The following PCDHA7 variants were observed in gnomAD, a reference collection of about 807,000 sequenced individuals.
The protein encoded by PCDHA7 is protocadherin alpha 7.
PCDHA7 carries 37 observed loss-of-function variants against 57.2 expected under a neutral mutation model. The observed-to-expected ratio is 0.65, with a 90% CI of 0.50 to 0.85. The LOEUF (loss-of-function observed/expected upper bound fraction) is 0.85. Ranked by LOEUF, PCDHA7 falls within the 40% of genes least tolerant of loss-of-function variation. The pLI is 0.00. For synonymous variants in PCDHA7, 553 were observed against 558.8 expected (o/e 0.99, Z 0.15); for missense variants, 1,188 against 1,241.8 (o/e 0.96, Z 0.65).
At chr5:140,849,627 G>C in intron 1 of PCDHA7, 1 of 1,598,784 alleles carries the variant, frequency 6.3e-7, no homozygotes, top group Non-Finnish European at 8.6e-7. Context: ...GATCGACCTA[G>C]ACGCAGATGC....
chr5:140,907,517 G>A (rs1174112923), intron 1 of PCDHA7, among the ~76,000 whole-genome samples: 3 of 152,192 alleles, frequency 2.0e-5, no homozygotes, highest in Non-Finnish European at 4.4e-5. Flanking sequence ...TTCCAGTGAG[G>A]ACAAATCGCT....
At position 140,869,037 on chromosome 5, in the gene PCDHA7, C is replaced by T. The variant is rs547872988; in HGVS notation, c.2355+32299C>T. 8.6e-5 allele frequency: 132 copies of T among 1,528,404 alleles called. No individual in the cohort carries two copies. In the East Asian group the frequency reaches 2.7e-3, roughly 31 times the overall value. The allele number at this position is 1,528,404 out of a possible 1,614,324, so 94.7% of individuals were successfully genotyped here. ...CTTAAGAATTCAACGAGATTTTTAA[C>T]CTGAAACTGAAGAATCTGGTACTGT... On this transcript the variant is annotated intron_variant, in intron 1 of 3. Coordinates refer to ENST00000525929, the MANE Select transcript of PCDHA7 (RefSeq NM_018910.3).
At chr5:140,882,460 C>T in intron 1 of PCDHA7, 4 of 1,613,998 alleles carry the variant, frequency 2.5e-6, no homozygotes, top group Non-Finnish European at 3.4e-6. Context: ...CGCGCCTGTT[C>T]CGGGTGGCGT....
chr5:140,841,843 T>A (rs1777535091), intron 1 of PCDHA7: 16 of 1,613,734 alleles, frequency 9.9e-6, no homozygotes, highest in Non-Finnish European at 1.4e-5. Context: ...GGCTTAGCTC[T>A]CATGATTACT....
rs1562723002 is a variant in PCDHA7, at chr5:140,876,958, G to C, written c.2355+40220G>C. 3 of 1,613,288 alleles carry C rather than the reference G, an allele frequency of 1.9e-6. No individual in the cohort carries two copies. The East Asian group carries it at 6.7e-5, about 36-fold the overall frequency. On this transcript the variant is annotated intron_variant, in intron 1 of 3. Transcript: ENST00000525929. ...CGCGCTGGTGTCCTACTCGCTGGTG[G>C]AGCGGCGGGTGGGCGAGCACGCACT...
At chr5:140,956,629 G>A (rs1554222520) in intron 1 of PCDHA7, among the ~76,000 whole-genome samples, 1 of 152,060 alleles carries the variant, frequency 6.6e-6, no homozygotes, top group Non-Finnish European at 1.5e-5. Flanking sequence ...TTGCATCTCT[G>A]CCAGGTTTTG....
At chr5:140,857,366 G>A in intron 1 of PCDHA7, 1 of 1,598,350 alleles carries the variant, frequency 6.3e-7, no homozygotes, top group Non-Finnish European at 8.6e-7. Context: ...CACGGCCAGC[G>A]TGTCTGTGGA....
chr5:140,959,301 G>A (rs139206577), intron 1 of PCDHA7, among the ~76,000 whole-genome samples: 161 of 152,140 alleles, frequency 1.1e-3, no homozygotes, highest in Non-Finnish European at 1.1e-3. Context: ...CACTGAGCCC[G>A]GTGGTTGAAG....
chr5:140,906,262 A>AAT (rs2072503500), intron 1 of PCDHA7, among the ~76,000 whole-genome samples: 2 of 152,306 alleles, frequency 1.3e-5, no homozygotes, highest in African/African-American at 4.8e-5. Flanking sequence ...CACCTCCTGA[A>AAT]ATTATAGATA....
intron 1 of PCDHA7, among the ~76,000 whole-genome samples, chr5:140,892,396 T>G (rs1263522999): frequency 1.3e-5 from 2 of 152,212 alleles, no homozygotes; most frequent in Non-Finnish European, 2.9e-5. Context: ...TCTTAATCTA[T>G]TTCAAGCTTC....
intron 1 of PCDHA7, among the ~76,000 whole-genome samples, chr5:140,946,679 C>T (rs556487333): frequency 4.1e-5 from 6 of 144,812 alleles, no homozygotes; most frequent in East Asian, 4.0e-4. Flanking sequence ...TCCTGTCATT[C>T]GTGACAATAT....
intron 1 of PCDHA7, chr5:140,860,787 G>A (rs1038488180): frequency 5.9e-5 from 9 of 152,154 alleles, no homozygotes; most frequent in African/African-American, 2.2e-4. Flanking sequence ...GCCCAGGCTG[G>A]AGTGCAGTGG....
At chr5:141,002,357 C>G (rs2098075744) in intron 3 of PCDHA7, among the ~76,000 whole-genome samples, 2 of 152,246 alleles carry the variant, frequency 1.3e-5, no homozygotes, top group Admixed American at 6.5e-5. Flanking sequence ...ACCTCCACTC[C>G]TTTCAACTCA....
At position 140,870,603 on chromosome 5, in the gene PCDHA7, C is replaced by T. The variant is rs782250124; in HGVS notation, c.2355+33865C>T. ...CGCTGGTGGAGCGGCGGTTGGGCGACCGCGCGCTGTCGAGCTACGTGTCGG... is the reference window on the plus strand; with the variant it reads ...CGCTGGTGGAGCGGCGGTTGGGCGATCGCGCGCTGTCGAGCTACGTGTCGG... On this transcript the variant is annotated intron_variant, in intron 1 of 3. Coordinates refer to ENST00000525929, the MANE Select transcript of PCDHA7 (RefSeq NM_018910.3). The T allele has an allele frequency of 4.3e-6, 7 of 1,613,340 alleles. No homozygotes were observed. The Admixed American group carries it at 1.2e-4, about 27-fold the overall frequency.
intron 1 of PCDHA7, among the ~76,000 whole-genome samples, chr5:140,913,855 T>C (rs1554196077): frequency 6.6e-6 from 1 of 152,220 alleles, no homozygotes; most frequent in Admixed American, 6.5e-5. Context: ...TTCAGGAGCA[T>C]ATTGTTTAAT....
chr5:140,989,939 C>T (rs533490284), intron 3 of PCDHA7, among the ~76,000 whole-genome samples: 2 of 152,004 alleles, frequency 1.3e-5, no homozygotes, highest in South Asian at 2.1e-4. Flanking sequence ...TGACATTCCA[C>T]GTTTTTCTCG....
rs2150245385 is a variant in PCDHA7, at chr5:140,835,811, T to C, written c.1428T>C (p.Thr476=). 22 of 1,612,912 alleles carry C rather than the reference T, an allele frequency of 1.4e-5. No homozygotes were observed. The highest frequency in any genetic ancestry group is 1.1e-4 in the African/African-American group (8 of 75,018). ...ACCCGCCGGGCTGCCACATCTTCAC[T>C]GTGTCGGCGGGGGACGCGGACGCGC... is the stretch of plus-strand genomic sequence containing the variant. The part of the protein sequence containing the change: ...ENNPPGCHIF[T]VSAGDADAQK... The change falls in exon 1 of 4, where the codon ACT becomes ACC. Residue 476 remains threonine (T), a synonymous_variant. Coordinates refer to ENST00000525929, the MANE Select transcript of PCDHA7 (RefSeq NM_018910.3).
intron 1 of PCDHA7, among the ~76,000 whole-genome samples, chr5:140,925,671 A>AATAATAATAATG (rs1445697337): frequency 4.7e-4 from 69 of 148,180 alleles, no homozygotes; most frequent in African/African-American, 1.7e-3. Flanking sequence ...TAATAATAAT[A>AATAATAATAATG]ATAATAAAGC....
chr5:140,878,599 A>G (rs1308833361), intron 1 of PCDHA7, among the ~76,000 whole-genome samples: 4 of 152,220 alleles, frequency 2.6e-5, no homozygotes, highest in African/African-American at 2.4e-5. Context: ...TTACCAAGTG[A>G]ATCTTCTAAT....
Sources: gnomAD v4.1 joint callset for allele counts (sites outside exome capture counted in the v4.1 genomes callset) on GRCh38, gnomAD v4.1.1 for gene constraint, MANE v1.5 for transcripts, NCBI Gene and HGNC (gene_info 2026-07-23, HGNC 2026-07-21) for gene names.